Variants in ATP8A1 observed in about 807,000 individuals in gnomAD.
ATP8A1 encodes phospholipid-transporting ATPase IA.
ATP8A1 carries 90 observed loss-of-function variants against 177.7 expected under a neutral mutation model. The observed-to-expected ratio is 0.51, with a 90% CI of 0.43 to 0.60. ATP8A1 has a LOEUF of 0.60. ATP8A1 is among the 20% of genes least tolerant of loss of function. The pLI is 0.00. For synonymous variants in ATP8A1, 493 were observed against 485.9 expected (o/e 1.01, Z -0.19); for missense variants, 1,072 against 1,392.8 (o/e 0.77, Z 3.67).
At chr4:42,422,236 T>C (rs10012610) in intron 35 of ATP8A1, among the ~76,000 whole-genome samples, 83,241 of 151,636 alleles carry the variant, frequency 0.55, 23,216 homozygotes, top group Middle Eastern at 0.69. Context: ...GGATTACAAG[T>C]GCCCGTCACC....
intron 25 of ATP8A1, among the ~76,000 whole-genome samples, chr4:42,474,850 A>G (rs1318546015): frequency 1.3e-5 from 2 of 152,194 alleles, no homozygotes; most frequent in East Asian, 1.9e-4. Context: ...ATAGAGTACA[A>G]AAGTTTCAAA....
At chr4:42,523,704 C>T (rs1726381355) in intron 21 of ATP8A1, among the ~76,000 whole-genome samples, 1 of 152,044 alleles carries the variant, frequency 6.6e-6, no homozygotes, top group Non-Finnish European at 1.5e-5. Flanking sequence ...GAGAAAGATG[C>T]CCTCAGCTCT....
intron 22 of ATP8A1, among the ~76,000 whole-genome samples, chr4:42,518,666 A>G (rs1008146677): frequency 6.6e-6 from 1 of 152,244 alleles, no homozygotes; most frequent in Admixed American, 6.5e-5. Flanking sequence ...ACTGTCTGAC[A>G]TGCTAAGTCC....
intron 20 of ATP8A1, 110 bp downstream of exon 20, chr4:42,543,807 T>C: frequency 1.4e-6 from 1 of 699,132 alleles, no homozygotes; most frequent in Non-Finnish European, 2.3e-6. Flanking sequence ...CAAAAGTGGA[T>C]GTCAGCAACT....
At chr4:42,604,433 T>TAAA (rs1381760794) in intron 5 of ATP8A1, among the ~76,000 whole-genome samples, 8 of 81,468 alleles carry the variant, frequency 9.8e-5, no homozygotes, top group Non-Finnish European at 2.1e-4. Flanking sequence ...CACACACTGG[T>TAAA]GCTCAGTAAG....
At chr4:42,580,882 C>T (rs904782288) in intron 10 of ATP8A1, among the ~76,000 whole-genome samples, 3 of 151,938 alleles carry the variant, frequency 2.0e-5, no homozygotes, top group African/African-American at 7.3e-5. Context: ...CATATAAATG[C>T]TATGAAAAAT....
chr4:42,590,119 G>C (rs1241631357), intron 7 of ATP8A1, among the ~76,000 whole-genome samples: 1 of 152,138 alleles, frequency 6.6e-6, no homozygotes, highest in Non-Finnish European at 1.5e-5. Flanking sequence ...AACTAGTCAA[G>C]AGAGGCAAAG....
At chr4:42,540,917 T>TAC (rs930162081) in intron 20 of ATP8A1, among the ~76,000 whole-genome samples, 4 of 152,182 alleles carry the variant, frequency 2.6e-5, no homozygotes, top group Non-Finnish European at 5.9e-5. Flanking sequence ...AGATGTATTG[T>TAC]ACTAAGCTGA....
chr4:42,581,545 C>T, intron 10 of ATP8A1, 76 bp downstream of exon 10: 2 of 1,025,466 alleles, frequency 2.0e-6, no homozygotes, highest in Non-Finnish European at 3.1e-6. Context: ...ATGTTTGGGA[C>T]CACTGCACTG....
intron 24 of ATP8A1, among the ~76,000 whole-genome samples, chr4:42,492,889 T>C (rs1330301930): frequency 6.6e-6 from 1 of 152,234 alleles, no homozygotes; most frequent in Admixed American, 6.5e-5. Context: ...GCAACACAAG[T>C]TTCTGTTTTT....
chr4:42,549,211 T>A, intron 18 of ATP8A1, 149 bp from the exon 19 acceptor site: 1 of 634,916 alleles, frequency 1.6e-6, no homozygotes, highest in Non-Finnish European at 2.7e-6. Flanking sequence ...TACTAACTTT[T>A]ACGTAAATTG....
At chr4:42,488,488 T>C (rs1560381328) in intron 24 of ATP8A1, among the ~76,000 whole-genome samples, 1 of 152,184 alleles carries the variant, frequency 6.6e-6, no homozygotes, top group African/African-American at 2.4e-5. Flanking sequence ...GTTGCTTCCC[T>C]TGAGCCCTCA....
chr4:42,487,741 ATG>A (rs1722338823), intron 24 of ATP8A1, among the ~76,000 whole-genome samples: 1 of 152,214 alleles, frequency 6.6e-6, no homozygotes, highest in Non-Finnish European at 1.5e-5. Flanking sequence ...TTACATTTGT[ATG>A]CAAATGCGGT....
chr4:42,556,715 C>T (rs780651352), intron 15 of ATP8A1, among the ~76,000 whole-genome samples: 7 of 151,844 alleles, frequency 4.6e-5, no homozygotes, highest in East Asian at 3.8e-4. Context: ...ATTTATCTCA[C>T]GGCCATACAA....
At chr4:42,609,211 A>AG (rs1736128658) in intron 5 of ATP8A1, among the ~76,000 whole-genome samples, 1 of 152,170 alleles carries the variant, frequency 6.6e-6, no homozygotes, top group African/African-American at 2.4e-5. Flanking sequence ...TGTCACTGAG[A>AG]GGTTAAAACT....
chr4:42,468,436 C>G (rs1720031884), intron 25 of ATP8A1, among the ~76,000 whole-genome samples: 2 of 150,466 alleles, frequency 1.3e-5, no homozygotes, highest in Admixed American at 1.3e-4. Context: ...TTTATACACA[C>G]ACACACACAC....
intron 15 of ATP8A1, among the ~76,000 whole-genome samples, chr4:42,557,596 C>G (rs1022655664): frequency 7.2e-5 from 11 of 152,100 alleles, no homozygotes; most frequent in African/African-American, 2.7e-4. Context: ...ACTTAATTTT[C>G]AAACATATTT....
chr4:42,652,067 C>T (rs752298087), intron 1 of ATP8A1, among the ~76,000 whole-genome samples: 1 of 152,164 alleles, frequency 6.6e-6, no homozygotes, highest in Non-Finnish European at 1.5e-5. Context: ...CTCAAGATTC[C>T]CAAGTTTGAG....
rs560524641 is a variant in ATP8A1 at position 42,536,836 on chromosome 4, CA to C, written c.1722+7080del. Among the ~76,000 whole-genome samples, 4 of 152,200 alleles carry C rather than the reference CA, an allele frequency of 2.6e-5. No individual in the cohort carries two copies. The South Asian group carries it at 8.3e-4, about 32-fold the overall frequency. On this transcript the variant is annotated intron_variant, in intron 20 of 36. Transcript: ENST00000381668. ...CACACCACATAAACAGAATTAAAAA[CA>C]AAAACCAGGCCCGGCATGGTGGCTC...
Sources: allele counts gnomAD v4.1 joint callset (sites outside exome capture counted in the v4.1 genomes callset), GRCh38; gene constraint gnomAD v4.1.1; transcripts MANE v1.5; gene names NCBI Gene and HGNC (gene_info 2026-07-23, HGNC 2026-07-21).